Variants in FMNL2 observed in about 807,000 individuals in gnomAD.
FMNL2 encodes the protein formin-like protein 2.
FMNL2 carries 51 observed loss-of-function variants against 130.2 expected under a neutral mutation model. The ratio of observed to expected loss-of-function variants is 0.39; its 90% CI spans 0.31 to 0.49. The LOEUF is 0.49. Ranked by LOEUF, FMNL2 falls within the 20% of genes least tolerant of loss-of-function variation. FMNL2 has a pLI of 0.85. For synonymous variants in FMNL2, 465 were observed against 467.1 expected (o/e 1.00, Z 0.06); for missense variants, 977 against 1,316.2 (o/e 0.74, Z 3.99).
At chr2:152,598,622 A>AGATTGCAATGAGCC in intron 9 of FMNL2, among the ~76,000 whole-genome samples, 1 of 151,990 alleles carries the variant, frequency 6.6e-6, no homozygotes, top group Non-Finnish European at 1.5e-5. Flanking sequence ...CCCGGGAGGT[A>AGATTGCAATGAGCC]GAGATTGCAA....
intron 1 of FMNL2, among the ~76,000 whole-genome samples, chr2:152,336,357 G>C (rs1579417542): frequency 6.6e-6 from 1 of 152,186 alleles, no homozygotes; most frequent in East Asian, 1.9e-4. Flanking sequence ...CTGAAACCCA[G>C]GCCGGGGAGA....
intron 1 of FMNL2, chr2:152,390,660 CT>C (rs1685060159): frequency 1.2e-6 from 1 of 804,082 alleles, no homozygotes; most frequent in East Asian, 2.4e-5. Flanking sequence ...TCCCTGAACT[CT>C]TGGGGCTGAG....
chr2:152,349,537 G>T (rs1340875409), intron 1 of FMNL2, among the ~76,000 whole-genome samples: 2 of 152,132 alleles, frequency 1.3e-5, no homozygotes, highest in African/African-American at 2.4e-5. Context: ...CTTCTTGTTC[G>T]TTCTTCACAT....
intron 8 of FMNL2, among the ~76,000 whole-genome samples, chr2:152,580,296 T>TA (rs1696712147): frequency 6.6e-6 from 1 of 152,248 alleles, no homozygotes; most frequent in Admixed American, 6.5e-5. Flanking sequence ...TTTGAAAACT[T>TA]AGAGTGTATC....
intron 1 of FMNL2, among the ~76,000 whole-genome samples, chr2:152,412,478 AT>A (rs1686366612): frequency 2.5e-5 from 1 of 39,890 alleles, no homozygotes; most frequent in African/African-American, 8.9e-5. Context: ...ATATATATAT[AT>A]ATATATATAT....
intron 1 of FMNL2, among the ~76,000 whole-genome samples, chr2:152,418,774 A>G (rs1236003697): frequency 6.6e-6 from 1 of 152,188 alleles, no homozygotes; most frequent in Non-Finnish European, 1.5e-5. Context: ...AACATTGGTT[A>G]CAAGTATCTG....
At chr2:152,517,044 T>C (rs1692812836) in intron 1 of FMNL2, among the ~76,000 whole-genome samples, 1 of 152,188 alleles carries the variant, frequency 6.6e-6, no homozygotes, top group South Asian at 2.1e-4. Flanking sequence ...CCACTTGGAA[T>C]AGATACCAAT....
In FMNL2 at chr2:152,345,764, CA is replaced by C. The variant is rs530050977; in HGVS notation, c.117+10046del. The stretch of plus-strand genomic sequence containing the variant: ...GCCTTACCATAAAGTCACTCTACAC[CA>C]ACTAATTTGGCCATCCAGATGCGAA... On this transcript the variant is annotated intron_variant, in intron 1 of 25. Coordinates refer to ENST00000288670, the MANE Select transcript of FMNL2 (RefSeq NM_052905.4). Among the ~76,000 whole-genome samples, 9 of 152,288 alleles carry C rather than the reference CA, an allele frequency of 5.9e-5. No homozygotes were observed. The South Asian group carries it at 1.9e-3, about 32-fold the overall frequency.
intron 1 of FMNL2, among the ~76,000 whole-genome samples, chr2:152,461,024 A>T (rs1689207838): frequency 6.6e-6 from 1 of 152,174 alleles, no homozygotes; most frequent in Non-Finnish European, 1.5e-5. Flanking sequence ...ATGATCTTCC[A>T]CGAAACCGGT....
intron 5 of FMNL2, among the ~76,000 whole-genome samples, chr2:152,559,636 T>G (rs1323324136): frequency 6.6e-6 from 1 of 152,166 alleles, no homozygotes; most frequent in Non-Finnish European, 1.5e-5. Context: ...GTGTTTCCTT[T>G]TTCTGCTGTG....
chr2:152,364,773 G>T (rs4664574), intron 1 of FMNL2, among the ~76,000 whole-genome samples: 13,388 of 152,070 alleles, frequency 0.088, 663 homozygotes, highest in African/African-American at 0.14. Flanking sequence ...CTTTTAGCTG[G>T]ACTATCTTCT....
intron 1 of FMNL2, among the ~76,000 whole-genome samples, chr2:152,418,466 C>A (rs936218400): frequency 6.6e-6 from 1 of 152,116 alleles, no homozygotes. Context: ...TCATTCCCCC[C>A]ACCCCTTCCC....
chr2:152,633,525 T>TA (rs1452260680), intron 21 of FMNL2, among the ~76,000 whole-genome samples: 1 of 152,200 alleles, frequency 6.6e-6, no homozygotes, highest in African/African-American at 2.4e-5. Flanking sequence ...GATGCACTGT[T>TA]ACAGGGACAA....
chr2:152,567,520 TG>T (rs1254112677), intron 6 of FMNL2, among the ~76,000 whole-genome samples: 1 of 152,240 alleles, frequency 6.6e-6, no homozygotes, highest in South Asian at 2.1e-4. Context: ...TTCTTTTGGC[TG>T]TAGAGACAGT....
At chr2:152,401,810 A>G (rs1373831213) in intron 1 of FMNL2, among the ~76,000 whole-genome samples, 1 of 151,548 alleles carries the variant, frequency 6.6e-6, no homozygotes, top group Admixed American at 6.6e-5. Flanking sequence ...CTAATACGCT[A>G]TTCATAAAAC....
At chr2:152,507,516 G>A (rs909934352) in intron 1 of FMNL2, among the ~76,000 whole-genome samples, 1 of 152,102 alleles carries the variant, frequency 6.6e-6, no homozygotes, top group African/African-American at 2.4e-5. Context: ...CTTCTATCAG[G>A]CTCCTCCTGA....
chr2:152,358,777 A>C (rs763234859), intron 1 of FMNL2, among the ~76,000 whole-genome samples: 1 of 152,360 alleles, frequency 6.6e-6, no homozygotes, highest in Non-Finnish European at 1.5e-5. Context: ...ATTGATGGAC[A>C]TATGAGGTTA....
intron 10 of FMNL2, among the ~76,000 whole-genome samples, chr2:152,610,311 T>A (rs1369868892): frequency 6.6e-6 from 1 of 152,220 alleles, no homozygotes; most frequent in Admixed American, 6.5e-5. Flanking sequence ...CACTGAGATA[T>A]AATTAACATA....
rs908162800 is a variant in FMNL2, at chr2:152,485,795, A to T, written c.118-36148A>T. ...CTCCATTTCGCCTAGCAATTGTAGC[A>T]GAATAGAGACTGCATCCCCTCTCAT... is the stretch of plus-strand genomic sequence containing the variant. On this transcript the variant is annotated intron_variant, in intron 1 of 25. Transcript: ENST00000288670. Among the ~76,000 whole-genome samples, 48 of 152,360 alleles carry T rather than the reference A, an allele frequency of 3.2e-4. 1 individual carries two copies. Among genetic ancestry groups the T allele is most frequent in the Admixed American group, 2.9e-3 (44 of 15,308 alleles).
Sources: gnomAD v4.1 joint callset for allele counts (sites outside exome capture counted in the v4.1 genomes callset) on GRCh38, gnomAD v4.1.1 for gene constraint, MANE v1.5 for transcripts, NCBI Gene and HGNC (gene_info 2026-07-23, HGNC 2026-07-21) for gene names.